BCAT1: variants seen among roughly 807,000 people sequenced by gnomAD.
BCAT1 encodes the protein branched-chain-amino-acid aminotransferase, cytosolic.
BCAT1 carries 48 observed loss-of-function variants against 52.4 expected under a neutral mutation model. The observed-to-expected ratio is 0.92, with a 90% CI of 0.73 to 1.16. The LOEUF (loss-of-function observed/expected upper bound fraction) is 1.16, where lower values mean the gene tolerates loss of function less well. BCAT1 is among the 50% of genes most tolerant of loss of function. The pLI, the probability that BCAT1 is intolerant of heterozygous loss-of-function variation, is 0.00. For synonymous variants in BCAT1, 167 were observed against 161.3 expected, an observed-to-expected ratio of 1.04 and a Z score of -0.27; for missense variants, 451 against 457.1, an observed-to-expected ratio of 0.99 and a Z score of 0.12.
chr12:24,885,787 G>C (rs939008023), intron 3 of BCAT1, among the ~76,000 whole-genome samples: 2 of 152,122 alleles, frequency 1.3e-5, no homozygotes, highest in African/African-American at 4.8e-5. Flanking sequence ...AGAGGGGAAA[G>C]TACCGCCCGT....
chr12:24,841,971 A>G (rs1941189398), intron 7 of BCAT1, 111 bp downstream of exon 7: 2 of 1,247,812 alleles, frequency 1.6e-6, no homozygotes, highest in Non-Finnish European at 2.2e-6. Context: ...GTCCTTACTT[A>G]GCCTTTGGAA....
chr12:24,943,672 T>C (rs970021568), intron 1 of BCAT1, among the ~76,000 whole-genome samples: 9 of 152,076 alleles, frequency 5.9e-5, no homozygotes, highest in African/African-American at 2.2e-4. Flanking sequence ...ATGCTTTCCT[T>C]AGAAGAATGT....
intron 5 of BCAT1, among the ~76,000 whole-genome samples, chr12:24,868,749 T>C (rs1191865372): frequency 6.6e-6 from 1 of 152,172 alleles, no homozygotes; most frequent in Non-Finnish European, 1.5e-5. Context: ...TTCTTTAAAA[T>C]GCATAAAAAG....
intron 9 of BCAT1, among the ~76,000 whole-genome samples, 156 bp downstream of exon 9, chr12:24,832,567 C>T (rs1251841997): frequency 1.3e-5 from 2 of 152,046 alleles, no homozygotes; most frequent in Non-Finnish European, 2.9e-5. Flanking sequence ...GGCAACACAG[C>T]GAGACTCCAT....
At chr12:24,829,694 T>C (rs1038313433) in intron 10 of BCAT1, 129 bp downstream of exon 10, 16 of 770,216 alleles carry the variant, frequency 2.1e-5, no homozygotes, top group Admixed American at 9.7e-5. Flanking sequence ...ATTTAACTTA[T>C]TGATCTCAAA....
intron 2 of BCAT1, 120 bp downstream of exon 2, chr12:24,901,694 G>T: frequency 9.7e-7 from 1 of 1,026,816 alleles, no homozygotes; most frequent in Non-Finnish European, 1.4e-6. Flanking sequence ...TTAAAAGTCT[G>T]GCAACACAAC....
chr12:24,838,237 C>A (rs1022035196), intron 7 of BCAT1, among the ~76,000 whole-genome samples: 1 of 152,114 alleles, frequency 6.6e-6, no homozygotes, highest in Admixed American at 6.5e-5. Flanking sequence ...TTGTGCCTAG[C>A]CCAGAGTGTA....
intron 1 of BCAT1, among the ~76,000 whole-genome samples, chr12:24,908,060 A>G (rs900459301): frequency 6.6e-6 from 1 of 152,182 alleles, no homozygotes; most frequent in East Asian, 1.9e-4. Context: ...TACTTAATAT[A>G]CTTTGGAATT....
At chr12:24,887,081 ATATATATATATAT>A (rs1320610694) in intron 3 of BCAT1, among the ~76,000 whole-genome samples, 1 of 42,842 alleles carries the variant, frequency 2.3e-5, no homozygotes, top group Non-Finnish European at 5.2e-5. Context: ...AAAAAAAAAA[ATATATATATATAT>A]ATATATATAT....
rs565243394 is a variant in BCAT1, at chr12:24,815,992, A to G, written c.*2016T>C. 6.6e-6 allele frequency: 1 copy of G among 152,442 alleles called. No individual in the cohort carries two copies. The highest frequency in any genetic ancestry group is 2.4e-5 in the African/African-American group (1 of 41,592). 9.4% of individuals were successfully genotyped at this position (152,442 alleles called of 1,614,324 possible). On this transcript the variant is annotated 3_prime_UTR_variant, in exon 11 of 11. Coordinates refer to ENST00000261192, the MANE Select transcript of BCAT1 (RefSeq NM_005504.7). ...CAAAGGAGTTAGCCAAGGCGAAAGC[A>G]CACCCTTAGAATGTTGCTCGGGGTA...
intron 5 of BCAT1, among the ~76,000 whole-genome samples, chr12:24,864,567 T>C (rs1941949166): frequency 6.6e-6 from 1 of 152,176 alleles, no homozygotes; most frequent in African/African-American, 2.4e-5. Context: ...GATAGGAATG[T>C]GAGAAATCTT....
chr12:24,880,277 T>C (rs1490437703), intron 4 of BCAT1, among the ~76,000 whole-genome samples: 1 of 152,148 alleles, frequency 6.6e-6, no homozygotes, highest in Non-Finnish European at 1.5e-5. Context: ...GGTGAAATCA[T>C]GTCTCCACTA....
At chr12:24,870,311 A>C (rs1942146738) in intron 5 of BCAT1, among the ~76,000 whole-genome samples, 1 of 152,212 alleles carries the variant, frequency 6.6e-6, no homozygotes, top group Non-Finnish European at 1.5e-5. Context: ...AAAATACATA[A>C]TACAATATAT....
At chr12:24,855,868 C>CTCTTGAAAGG (rs1941663674) in intron 5 of BCAT1, among the ~76,000 whole-genome samples, 1 of 151,666 alleles carries the variant, frequency 6.6e-6, no homozygotes, top group Non-Finnish European at 1.5e-5. Flanking sequence ...CCTCAAGTTA[C>CTCTTGAAAGG]CCTCCTTCTT....
intron 5 of BCAT1, among the ~76,000 whole-genome samples, chr12:24,860,763 T>A (rs543554602): frequency 3.3e-5 from 5 of 152,286 alleles, no homozygotes; most frequent in African/African-American, 1.2e-4. Flanking sequence ...CTGTGGTAAG[T>A]AAAGAATGTC....
At position 24,815,188 on chromosome 12, in the gene BCAT1, A is replaced by C. The variant is rs775883118; in HGVS notation, c.*2820T>G. 2.0e-5 allele frequency: 3 copies of C among 152,168 alleles called. No individual in the cohort carries two copies. Among genetic ancestry groups the C allele is most frequent in the African/African-American group, 7.2e-5 (3 of 41,454 alleles). 9.4% of individuals were successfully genotyped at this position (152,168 alleles called of 1,614,324 possible). The stretch of plus-strand genomic sequence containing the variant: ...GTTTCTACTGATGTGTTTTCAAAAA[A>C]GCTGACAAGCTCGGTCTGAAATGTA... On this transcript the variant is annotated 3_prime_UTR_variant, in exon 11 of 11. Coordinates refer to ENST00000261192, the MANE Select transcript of BCAT1 (RefSeq NM_005504.7).
intron 5 of BCAT1, among the ~76,000 whole-genome samples, chr12:24,854,421 CT>C (rs1941605340): frequency 6.6e-6 from 1 of 151,882 alleles, no homozygotes; most frequent in African/African-American, 2.4e-5. Flanking sequence ...AGCCTGTTTT[CT>C]TTTTTAAAAA....
intron 3 of BCAT1, among the ~76,000 whole-genome samples, chr12:24,890,288 T>C (rs1023816097): frequency 1.1e-4 from 16 of 152,132 alleles, no homozygotes; most frequent in African/African-American, 3.9e-4. Context: ...CTGACACTAT[T>C]TCCAGGTGGA....
At chr12:24,889,906 G>A (rs1338182028) in intron 3 of BCAT1, among the ~76,000 whole-genome samples, 9 of 152,094 alleles carry the variant, frequency 5.9e-5, no homozygotes, top group South Asian at 4.1e-4. Context: ...GAATATTGAC[G>A]TGAAGCTTCC....
Sources: allele counts gnomAD v4.1 joint callset (sites outside exome capture counted in the v4.1 genomes callset), GRCh38; gene constraint gnomAD v4.1.1; transcripts MANE v1.5; gene names NCBI Gene and HGNC (gene_info 2026-07-23, HGNC 2026-07-21).